The following CNTNAP2 variants were observed in gnomAD, a reference collection of about 807,000 sequenced individuals.
CNTNAP2 encodes the protein contactin associated protein 2.
Under a neutral mutation model 155.2 loss-of-function variants are expected in CNTNAP2, and 98 were observed. The ratio of observed to expected loss-of-function variants is 0.63; its 90% confidence interval spans 0.54 to 0.75. CNTNAP2 has a LOEUF of 0.75. Ranked by LOEUF, CNTNAP2 falls within the 30% of genes least tolerant of loss-of-function variation. The pLI is 0.00. For synonymous variants in CNTNAP2, 651 were observed against 631.2 expected, an observed-to-expected ratio of 1.03 and a Z score of -0.47; for missense variants, 1,727 against 1,688.1, an observed-to-expected ratio of 1.02 and a Z score of -0.40.
At chr7:147,266,990 A>G (rs2116696699) in intron 8 of CNTNAP2, among the ~76,000 whole-genome samples, 1 of 152,306 alleles carries the variant, frequency 6.6e-6, no homozygotes, top group African/African-American at 2.4e-5. Context: ...CTTAACAGTA[A>G]GGGGCATGGA....
At chr7:146,332,892 C>G (rs1029929999) in intron 1 of CNTNAP2, among the ~76,000 whole-genome samples, 1 of 151,558 alleles carries the variant, frequency 6.6e-6, no homozygotes, top group Non-Finnish European at 1.5e-5. Context: ...TAAAGTGCTC[C>G]CAGAGGGATT....
intron 15 of CNTNAP2, among the ~76,000 whole-genome samples, chr7:148,016,932 C>T (rs933097157): frequency 1.3e-5 from 2 of 152,164 alleles, no homozygotes; most frequent in Admixed American, 1.3e-4. Context: ...GAGCATCCCT[C>T]TCTCTCTAAA....
intron 10 of CNTNAP2, among the ~76,000 whole-genome samples, chr7:147,418,364 A>G (rs916749984): frequency 3.3e-5 from 5 of 152,198 alleles, no homozygotes; most frequent in Non-Finnish European, 7.3e-5. Context: ...GACTTCTGAA[A>G]TTGACCTTTA....
intron 2 of CNTNAP2, among the ~76,000 whole-genome samples, chr7:146,777,613 G>C (rs1802412904): frequency 1.3e-5 from 2 of 151,840 alleles, no homozygotes; most frequent in South Asian, 4.2e-4. Flanking sequence ...GCCTGGGCTG[G>C]AGTGCAGTGG....
rs138518767 is a variant in CNTNAP2 at position 146,498,657 on chromosome 7, C to A, written c.98-275614C>A. On this transcript the variant is annotated intron_variant, in intron 1 of 23. Coordinates refer to ENST00000361727, the MANE Select transcript of CNTNAP2 (RefSeq NM_014141.6). ...ATACACTGTGAACGAAATAATAAAA[C>A]AAAGTTGTATAGGAAGAAAGTTGCA... is the stretch of plus-strand genomic sequence containing the variant. Among the ~76,000 whole-genome samples the A allele has an allele frequency of 4.9e-3, 697 of 143,658 alleles. 7 individuals carry two copies. Among genetic ancestry groups the A allele is most frequent in the Non-Finnish European group, 7.4e-3 (492 of 66,458 alleles). 94.2% of individuals were successfully genotyped at this position (143,658 alleles called of 152,430 possible). A position where few individuals can be genotyped will look rare whatever the true frequency, so the allele number is the denominator to read the frequency against.
intron 19 of CNTNAP2, among the ~76,000 whole-genome samples, chr7:148,224,813 T>C (rs986240264): frequency 5.3e-5 from 8 of 152,252 alleles, no homozygotes; most frequent in East Asian, 1.9e-4. Context: ...AGCACGTCCT[T>C]CTTCACATGG....
chr7:146,155,626 AT>A (rs1317440478), intron 1 of CNTNAP2, among the ~76,000 whole-genome samples: 1 of 151,690 alleles, frequency 6.6e-6, no homozygotes, highest in Non-Finnish European at 1.5e-5. Context: ...TACATAAGTA[AT>A]AATTATATAG....
intron 12 of CNTNAP2, among the ~76,000 whole-genome samples, chr7:147,603,002 G>A (rs571951655): frequency 1.8e-4 from 28 of 152,250 alleles, no homozygotes; most frequent in Non-Finnish European, 3.2e-4. Flanking sequence ...TATATACCCA[G>A]TAATGGGATG....
At chr7:147,049,556 A>G (rs1799433168) in intron 4 of CNTNAP2, among the ~76,000 whole-genome samples, 1 of 152,084 alleles carries the variant, frequency 6.6e-6, no homozygotes, top group African/African-American at 2.4e-5. Context: ...TGTAGATTAG[A>G]CACAGCCCCC....
At chr7:147,619,638 T>G (rs952111662) in intron 12 of CNTNAP2, among the ~76,000 whole-genome samples, 4 of 152,230 alleles carry the variant, frequency 2.6e-5, no homozygotes, top group African/African-American at 9.6e-5. Context: ...ATCTTGTGGC[T>G]TGAGTGACAG....
chr7:146,971,454 A>C (rs1797797330), intron 3 of CNTNAP2, among the ~76,000 whole-genome samples: 1 of 152,186 alleles, frequency 6.6e-6, no homozygotes, highest in Non-Finnish European at 1.5e-5. Flanking sequence ...AATGCAGAGG[A>C]AATAGAAGGG....
intron 1 of CNTNAP2, among the ~76,000 whole-genome samples, chr7:146,467,787 T>C (rs554955689): frequency 6.6e-6 from 1 of 152,280 alleles, no homozygotes; most frequent in African/African-American, 2.4e-5. Context: ...TATATTTACA[T>C]ATGCTAGATA....
At chr7:147,537,454 C>T (rs1247774040) in intron 11 of CNTNAP2, among the ~76,000 whole-genome samples, 3 of 151,972 alleles carry the variant, frequency 2.0e-5, no homozygotes, top group Non-Finnish European at 4.4e-5. Context: ...TAATATTTTG[C>T]TAAAGTAAAG....
chr7:147,922,073 T>A (rs1800291811), intron 14 of CNTNAP2, among the ~76,000 whole-genome samples: 1 of 152,220 alleles, frequency 6.6e-6, no homozygotes, highest in Non-Finnish European at 1.5e-5. Context: ...CTTCCCATAG[T>A]GTATATCTCT....
At chr7:147,058,008 C>T (rs948138237) in intron 4 of CNTNAP2, among the ~76,000 whole-genome samples, 1 of 152,122 alleles carries the variant, frequency 6.6e-6, no homozygotes, top group Non-Finnish European at 1.5e-5. Flanking sequence ...CTCTTGAATT[C>T]TCATATCGTT....
At chr7:146,330,177 C>T (rs1481053071) in intron 1 of CNTNAP2, among the ~76,000 whole-genome samples, 1 of 151,950 alleles carries the variant, frequency 6.6e-6, no homozygotes, top group East Asian at 1.9e-4. Context: ...CATGCACCAC[C>T]ATGCCCAGCT....
At chr7:146,765,060 A>AGAATGAAAATATTATATTAG (rs1272256577) in intron 1 of CNTNAP2, among the ~76,000 whole-genome samples, 2 of 152,170 alleles carry the variant, frequency 1.3e-5, no homozygotes, top group African/African-American at 4.8e-5. Flanking sequence ...TCAATGATAC[A>AGAATGAAAATATTATATTAG]GAATGAAAAT....
chr7:148,220,098 C>T (rs1188743443), intron 19 of CNTNAP2, among the ~76,000 whole-genome samples: 1 of 152,178 alleles, frequency 6.6e-6, no homozygotes, highest in Non-Finnish European at 1.5e-5. Flanking sequence ...AGATGTTCAT[C>T]ATAATGTTTC....
intron 1 of CNTNAP2, among the ~76,000 whole-genome samples, chr7:146,418,673 G>A (rs979090783): frequency 2.0e-5 from 3 of 152,070 alleles, no homozygotes; most frequent in Non-Finnish European, 2.9e-5. Context: ...TCTCTCACCT[G>A]TAACCCCAGG....
Sources: gnomAD v4.1 joint callset for allele counts (sites outside exome capture counted in the v4.1 genomes callset) on GRCh38, gnomAD v4.1.1 for gene constraint, MANE v1.5 for transcripts, NCBI Gene and HGNC (gene_info 2026-07-23, HGNC 2026-07-21) for gene names.